The following STRIP1 variants were observed in gnomAD, a reference collection of about 807,000 sequenced individuals.
STRIP1 encodes the protein striatin interacting protein 1, also known as striatin-interacting protein 1.
A neutral mutation model predicts 106.2 loss-of-function variants in STRIP1; 63 were observed. That is an observed-to-expected ratio of 0.59 (90% CI 0.48 to 0.73). The LOEUF is 0.73. STRIP1 is among the 30% of genes least tolerant of loss of function. STRIP1 has a pLI of 0.00. For missense variants in STRIP1, 857 were observed against 1,074.8 expected (o/e 0.80, Z 2.83); for synonymous variants, 390 against 413.0 (o/e 0.94, Z 0.67).
intron 5 of STRIP1, chr1:110,039,755 G>A: frequency 2.5e-6 from 3 of 1,198,774 alleles, no homozygotes; most frequent in Non-Finnish European, 3.4e-6. Flanking sequence ...GACAGTGCAG[G>A]CCCTGCCCAG....
At chr1:110,035,198 C>T (rs1652387792) in intron 1 of STRIP1, among the ~76,000 whole-genome samples, 1 of 152,214 alleles carries the variant, frequency 6.6e-6, no homozygotes, top group Non-Finnish European at 1.5e-5. Context: ...CCAACCTAAT[C>T]ATCTCGGGCG....
chr1:110,039,185 G>T lies in STRIP1; in HGVS notation c.339G>T (p.Lys113Asn). 3 of 1,614,178 alleles carry T rather than the reference G, an allele frequency of 1.9e-6. No individual in the cohort carries two copies. Among genetic ancestry groups the T allele is most frequent in the Non-Finnish European group, 2.5e-6 (3 of 1,180,006 alleles). Residue 113 changes from lysine (K) to asparagine (N), a missense_variant, in exon 4 of 21, where the codon AAG (lysine) becomes AAT (asparagine). Lys to Asn is a moderately conservative substitution (Grantham distance 94, BLOSUM62 0). This residue lies in a region of STRIP1 where 750 missense variants were observed against 989.8 expected (regional missense o/e 0.76). Transcript: ENST00000369795. Reference protein sequence around the residue: ...EDFRIHVTDKKWTELDTNQHR... With the variant: ...EDFRIHVTDKNWTELDTNQHR... ...CTTGCCCTGCAGTGACAGACAAGAAGTGGACTGAGCTGGATACCAACCAGC... is the reference window on the plus strand; with the variant it reads ...CTTGCCCTGCAGTGACAGACAAGAATTGGACTGAGCTGGATACCAACCAGC...
chr1:110,049,098 A>G lies in STRIP1; in HGVS notation c.1662-14A>G. On this transcript the variant is annotated splice_polypyrimidine_tract_variant and intron_variant, in intron 15 of 20. Transcript: ENST00000369795. ...GCGCATGCTGGTGGCTTACCCAGGCAATTATGTTTCCAGCACCACAGTGTT... is the reference window on the plus strand; with the variant it reads ...GCGCATGCTGGTGGCTTACCCAGGCGATTATGTTTCCAGCACCACAGTGTT... 3 of 1,614,162 alleles carry G rather than the reference A, an allele frequency of 1.9e-6. No homozygotes were observed. Among genetic ancestry groups the G allele is most frequent in the Non-Finnish European group, 2.5e-6 (3 of 1,180,004 alleles).
At chr1:110,044,560 A>G (rs1429883306) in intron 10 of STRIP1, among the ~76,000 whole-genome samples, 11 of 152,378 alleles carry the variant, frequency 7.2e-5, no homozygotes, top group African/African-American at 9.6e-5. Flanking sequence ...TGTTCATACT[A>G]TCTGAATAAA....
At chr1:110,042,995 T>C in intron 8 of STRIP1, 93 bp from the exon 9 acceptor site, 5 of 1,261,474 alleles carry the variant, frequency 4.0e-6, no homozygotes, top group Non-Finnish European at 5.5e-6. Flanking sequence ...ACATGGGTCA[T>C]GATGTCATGA....
At position 110,053,793 on chromosome 1, in the gene STRIP1, C is replaced by T. The variant is rs367860029; in HGVS notation, c.2395C>T (p.Leu799=). 1.4e-5 allele frequency: 22 copies of T among 1,614,056 alleles called. No individual in the cohort carries two copies. In the African/African-American group the frequency reaches 2.5e-4, roughly 19 times the overall value. ...NPDFLPVDNC[L]QSVLGQRVDL... ...TGACTTCCTGCCAGTGGACAACTGC[C>T]TGCAGAGTGTCCTGGGCCAACGGGT... The change falls in exon 21 of 21, where the codon CTG becomes TTG. Residue 799 remains leucine (L), a synonymous_variant. Coordinates refer to ENST00000369795, the MANE Select transcript of STRIP1 (RefSeq NM_033088.4).
At chr1:110,032,995 C>A (rs998133398), upstream of STRIP1, among the ~76,000 whole-genome samples, 1 of 152,226 alleles carries the variant, frequency 6.6e-6, no homozygotes, top group Non-Finnish European at 1.5e-5. Context: ...CTGGTCCCTG[C>A]ATTATCATTA....
At chr1:110,048,735 A>G (rs1176531429) in intron 15 of STRIP1, among the ~76,000 whole-genome samples, 1 of 152,214 alleles carries the variant, frequency 6.6e-6, no homozygotes, top group Non-Finnish European at 1.5e-5. Flanking sequence ...CTTACTCCAA[A>G]ACCCTTTTTT....
At position 110,047,756 on chromosome 1, in the gene STRIP1, G is replaced by C. The variant is rs2101780923; in HGVS notation, c.1564-16G>C. The C allele has an allele frequency of 1.3e-6, 2 of 1,558,962 alleles. No individual in the cohort carries two copies. Among genetic ancestry groups the C allele is most frequent in the East Asian group, 4.7e-5 (2 of 42,120 alleles). On this transcript the variant is annotated splice_polypyrimidine_tract_variant and intron_variant, in intron 14 of 20. Coordinates refer to ENST00000369795, the MANE Select transcript of STRIP1 (RefSeq NM_033088.4). ...TGGGCTCTCAGACCTGTGTCTGAATGGTCTACTCTTCCCAGATTGCCCTCC... is the reference window on the plus strand; with the variant it reads ...TGGGCTCTCAGACCTGTGTCTGAATCGTCTACTCTTCCCAGATTGCCCTCC...
intron 10 of STRIP1, among the ~76,000 whole-genome samples, chr1:110,044,261 G>A (rs1461773994): frequency 6.6e-6 from 1 of 152,260 alleles, no homozygotes; most frequent in African/African-American, 2.4e-5. Context: ...AGATATATGT[G>A]GGTAAATCGA....
intron 6 of STRIP1, 141 bp from the exon 7 acceptor site, chr1:110,041,395 G>A (rs1328017628): frequency 3.2e-6 from 2 of 617,538 alleles, no homozygotes; most frequent in East Asian, 5.7e-5. Context: ...AAATGCTTTT[G>A]GCCATTCTTG....
In STRIP1 at chr1:110,040,645, G is replaced by A. The variant is rs772793799; in HGVS notation, c.592G>A (p.Ala198Thr). The A allele has an allele frequency of 4.8e-5, 78 of 1,611,496 alleles. No individual in the cohort carries two copies. Among genetic ancestry groups the A allele is most frequent in the Non-Finnish European group, 6.2e-5 (73 of 1,178,882 alleles). ...LLNMEIDNSA[A>T]CSSAVRKPAI... Reference sequence around the variant, plus strand: ...CAAAATCTCCTGCAGCAACAGTGCCGCCTGCAGCAGTGCTGTGAGGAAGCC... The same window carrying A: ...CAAAATCTCCTGCAGCAACAGTGCCACCTGCAGCAGTGCTGTGAGGAAGCC... The change falls in exon 6 of 21, where the codon GCC becomes ACC. Residue 198 changes from alanine (A) to threonine (T), a missense_variant. By Grantham distance (58) the Ala-to-Thr change is moderately conservative (BLOSUM62 0). This residue lies in a region of STRIP1 where 750 missense variants were observed against 989.8 expected (regional missense o/e 0.76). Coordinates refer to ENST00000369795, the MANE Select transcript of STRIP1 (RefSeq NM_033088.4).
intron 11 of STRIP1, 35 bp downstream of exon 11, chr1:110,044,940 C>T (rs1248383519): frequency 4.3e-6 from 7 of 1,613,720 alleles, no homozygotes; most frequent in Non-Finnish European, 4.2e-6. Flanking sequence ...GCTGTTAGCT[C>T]TCCCGGCCTT....
chr1:110,039,007 G>A, intron 3 of STRIP1, 165 bp from the exon 4 acceptor site: 5 of 874,610 alleles, frequency 5.7e-6, no homozygotes, highest in Non-Finnish European at 3.5e-6. Context: ...CAGCGTTTCA[G>A]TTTGGAATCA....
At chr1:110,051,589 A>T in intron 19 of STRIP1, 94 bp from the exon 20 acceptor site, 1 of 1,264,774 alleles carries the variant, frequency 7.9e-7, no homozygotes. Flanking sequence ...TCACCCTGAC[A>T]GTAACTTCCA....
Position 110,043,370 on chromosome 1 carries a change from T to C in STRIP1, c.1068+100T>C, listed in dbSNP as rs1570920077. ...GAGCAGGGCTGCTGGAAATGATCTC[T>C]GATCAGCCAGTCAGAATCATGCCTC... On this transcript the variant is annotated intron_variant, in intron 9 of 20. Transcript: ENST00000369795. 8.7e-6 allele frequency: 11 copies of C among 1,270,374 alleles called. No individual in the cohort carries two copies. The East Asian group carries it at 2.6e-4, about 30-fold the overall frequency. 78.7% of individuals were successfully genotyped at this position (1,270,374 alleles called of 1,614,324 possible).
chr1:110,051,628 TG>T, intron 19 of STRIP1, 54 bp from the exon 20 acceptor site: 5 of 1,498,242 alleles, frequency 3.3e-6, no homozygotes, highest in Non-Finnish European at 4.5e-6. Context: ...TGACCTGGGA[TG>T]TATGCATTTA....
chr1:110,038,933 T>C (rs1652624745), intron 3 of STRIP1, among the ~76,000 whole-genome samples, 176 bp downstream of exon 3: 1 of 152,004 alleles, frequency 6.6e-6, no homozygotes, highest in Admixed American at 6.6e-5. Context: ...CGGTGGGGGC[T>C]TTTCAGAATG....
chr1:110,050,662 G>A (rs950711216), intron 18 of STRIP1, among the ~76,000 whole-genome samples: 1 of 152,222 alleles, frequency 6.6e-6, no homozygotes, highest in Admixed American at 6.5e-5. Context: ...TCACCTAGTA[G>A]AGGGCTTCTC....
Sources: gnomAD v4.1 joint callset for allele counts (sites outside exome capture counted in the v4.1 genomes callset) on GRCh38, gnomAD v4.1.1 for gene constraint, gnomAD v4.1.1 regional missense constraint, MANE v1.5 for transcripts, NCBI Gene and HGNC (gene_info 2026-07-23, HGNC 2026-07-21) for gene names.